Variants in FOXP1 observed in about 807,000 individuals in gnomAD.
The protein encoded by FOXP1 is forkhead box P1.
A neutral mutation model predicts 98.2 loss-of-function variants in FOXP1; 15 were observed. The observed-to-expected ratio is 0.15, with a 90% CI of 0.10 to 0.24. The LOEUF (loss-of-function observed/expected upper bound fraction) is 0.24. Among genes scored for constraint, FOXP1 ranks in the 10% least tolerant of loss-of-function variants. FOXP1 has a pLI of 1.00. For synonymous variants in FOXP1, 371 were observed against 314.5 expected, an observed-to-expected ratio of 1.18 and a Z score of -1.90; for missense variants, 633 against 848.5, an observed-to-expected ratio of 0.75 and a Z score of 3.15.
At chr3:71,353,727 T>C (rs2077955268) in intron 4 of FOXP1, among the ~76,000 whole-genome samples, 1 of 152,212 alleles carries the variant, frequency 6.6e-6, no homozygotes. Flanking sequence ...TTCATTCTTG[T>C]CCGCTAGAAA....
At chr3:71,130,886 CAGGT>C in intron 6 of FOXP1, 1 of 1,387,248 alleles carries the variant, frequency 7.2e-7, no homozygotes, top group Non-Finnish European at 9.3e-7. Context: ...TAAACCGCTC[CAGGT>C]CTGCAAGCAG....
At chr3:71,000,794 A>AAAAGTAAAATAAAAT (rs2042023137) in intron 13 of FOXP1, among the ~76,000 whole-genome samples, 178 bp downstream of exon 13, 1 of 122,140 alleles carries the variant, frequency 8.2e-6, no homozygotes, top group Admixed American at 8.6e-5. Flanking sequence ...CAAAGAGGTA[A>AAAAGTAAAATAAAAT]AAAATAAAAT....
At chr3:71,396,955 T>TATATATACACAC (rs1560424196) in intron 3 of FOXP1, among the ~76,000 whole-genome samples, 26 of 51,918 alleles carry the variant, frequency 5.0e-4, no homozygotes, top group African/African-American at 1.7e-3. Context: ...TATGTGTATA[T>TATATATACACAC]ATATATATGT....
chr3:71,052,161 T>C (rs2049982826), intron 9 of FOXP1, among the ~76,000 whole-genome samples: 1 of 149,976 alleles, frequency 6.7e-6, no homozygotes, highest in Admixed American at 6.6e-5. Flanking sequence ...CCAAGCTCTG[T>C]GAGCTGGGGA....
intron 7 of FOXP1, among the ~76,000 whole-genome samples, chr3:71,091,950 G>A (rs2055900175): frequency 6.6e-6 from 1 of 152,152 alleles, no homozygotes; most frequent in South Asian, 2.1e-4. Flanking sequence ...CACTTTGGGA[G>A]GCCGAGGCAG....
intron 2 of FOXP1, among the ~76,000 whole-genome samples, chr3:71,576,627 T>G (rs2047739664): frequency 6.6e-6 from 1 of 152,244 alleles, no homozygotes; most frequent in African/African-American, 2.4e-5. Context: ...AAGGAACTAA[T>G]TTAACCCTAC....
intron 7 of FOXP1, among the ~76,000 whole-genome samples, chr3:71,077,918 C>T (rs1449906868): frequency 3.3e-5 from 5 of 151,976 alleles, no homozygotes; most frequent in African/African-American, 9.7e-5. Flanking sequence ...CCGCAACCTC[C>T]ACCTCCCGGG....
At chr3:71,054,887 T>C (rs2050407351) in intron 7 of FOXP1, among the ~76,000 whole-genome samples, 1 of 152,188 alleles carries the variant, frequency 6.6e-6, no homozygotes, top group Non-Finnish European at 1.5e-5. Flanking sequence ...CAGTAAAGGA[T>C]ATACTTTGTT....
intron 6 of FOXP1, among the ~76,000 whole-genome samples, chr3:71,180,453 A>T (rs1177993632): frequency 1.3e-5 from 2 of 152,188 alleles, no homozygotes; most frequent in African/African-American, 4.8e-5. Flanking sequence ...TTTTAAAAAA[A>T]AATGCAGGCA....
intron 5 of FOXP1, among the ~76,000 whole-genome samples, chr3:71,220,782 T>A (rs2065310274): frequency 6.6e-6 from 1 of 150,666 alleles, no homozygotes; most frequent in African/African-American, 2.5e-5. Context: ...TAAAATAAAA[T>A]AAAATAAAAG....
chr3:71,241,734 T>C lies in FOXP1; in HGVS notation c.-11-43342A>G, dbSNP rs543302898. Among the ~76,000 whole-genome samples the C allele has an allele frequency of 2.6e-5, 4 of 152,382 alleles. No individual in the cohort carries two copies. The South Asian group carries it at 8.3e-4, about 32-fold the overall frequency. On this transcript the variant is annotated intron_variant, in intron 5 of 20. Coordinates refer to ENST00000649528, the MANE Select transcript of FOXP1 (RefSeq NM_001349338.3). Reference sequence around the variant, plus strand: ...CAAATGAGATTACTCTCAGCTTAACTGCATCATTTATGTCCATAATAACGG... The same window carrying C: ...CAAATGAGATTACTCTCAGCTTAACCGCATCATTTATGTCCATAATAACGG...
chr3:71,017,145 A>G (rs996955036), intron 11 of FOXP1, among the ~76,000 whole-genome samples: 4 of 152,174 alleles, frequency 2.6e-5, no homozygotes, highest in African/African-American at 9.7e-5. Context: ...CAAACAATAA[A>G]AGGATATTCT....
At chr3:71,404,318 G>C (rs2082162785) in intron 3 of FOXP1, among the ~76,000 whole-genome samples, 1 of 151,444 alleles carries the variant, frequency 6.6e-6, no homozygotes, top group South Asian at 2.1e-4. Context: ...GTAGAGACAG[G>C]GTTTCTCCAT....
intron 18 of FOXP1, chr3:70,971,100 T>TGACTCCA (rs2036137334): frequency 2.5e-6 from 1 of 398,220 alleles, no homozygotes; most frequent in Non-Finnish European, 4.8e-6. Flanking sequence ...GGAGTTAGCC[T>TGACTCCA]GACTCCAGAC....
intron 2 of FOXP1, among the ~76,000 whole-genome samples, chr3:71,509,251 C>T (rs2107297303): frequency 6.6e-6 from 1 of 152,314 alleles, no homozygotes; most frequent in Non-Finnish European, 1.5e-5. Context: ...GCTTGAACCA[C>T]AGGCATTCAT....
chr3:71,198,279 C>T lies in FOXP1; in HGVS notation c.103G>A (p.Gly35Arg), dbSNP rs1337954936. The T allele has an allele frequency of 6.2e-7, 1 of 1,614,072 alleles. No homozygotes were observed. The highest frequency in any genetic ancestry group is 8.5e-7 in the Non-Finnish European group (1 of 1,180,050). Residue 35 changes from glycine (G) to arginine (R), a missense_variant, in exon 6 of 21, where the codon GGG (glycine) becomes AGG (arginine). Gly to Arg is a moderately radical substitution (Grantham distance 125). This residue lies in a region of FOXP1 where 103 missense variants were observed against 85.5 expected (regional missense o/e 1.20). Transcript: ENST00000649528. ...HLLECGGLRE[G>R]RSNGETPAVD... ...GCCGGCGTCTCTCCGTTGGACCGCC[C>T]CTCCCGAAGACCGCCGCACTCTAGT...
chr3:71,348,247 T>C (rs963061862), intron 4 of FOXP1, among the ~76,000 whole-genome samples: 3 of 152,106 alleles, frequency 2.0e-5, no homozygotes, highest in South Asian at 2.1e-4. Flanking sequence ...CTCTCTTTGA[T>C]TTATCTATTT....
chr3:71,044,438 T>C (rs920421913), intron 10 of FOXP1, among the ~76,000 whole-genome samples: 4 of 152,140 alleles, frequency 2.6e-5, no homozygotes, highest in African/African-American at 4.8e-5. Context: ...GCAGATAGGC[T>C]AATTATGTAA....
intron 5 of FOXP1, among the ~76,000 whole-genome samples, chr3:71,249,416 A>G (rs2068012496): frequency 6.6e-6 from 1 of 152,270 alleles, no homozygotes; most frequent in South Asian, 2.1e-4. Flanking sequence ...TAGTCACTTT[A>G]CATGCATTTC....
Sources: gnomAD v4.1 joint callset for allele counts (sites outside exome capture counted in the v4.1 genomes callset) on GRCh38, gnomAD v4.1.1 for gene constraint, gnomAD v4.1.1 regional missense constraint, MANE v1.5 for transcripts, NCBI Gene and HGNC (gene_info 2026-07-23, HGNC 2026-07-21) for gene names.